Variants in SELENOK observed in about 807,000 individuals in gnomAD.
SELENOK encodes selenoprotein K.
SELENOK carries 11 observed loss-of-function variants against 17.3 expected under a neutral mutation model. That is an observed-to-expected ratio of 0.63 (90% CI 0.40 to 1.05). The LOEUF (loss-of-function observed/expected upper bound fraction) is 1.05, where lower values mean the gene tolerates loss of function less well. Ranked by LOEUF, SELENOK falls within the 50% of genes least tolerant of loss-of-function variation. The pLI is 0.00. For missense variants in SELENOK, 125 were observed against 113.9 expected (o/e 1.10, Z -0.44); for synonymous variants, 45 against 35.4 (o/e 1.27, Z -0.97).
At position 53,884,820 on chromosome 3, in the gene SELENOK, T is replaced by G. The variant is rs558419805; in HGVS notation, c.*738A>C. The G allele has an allele frequency of 1.3e-5, 2 of 152,386 alleles. No homozygotes were observed. The highest frequency in any genetic ancestry group is 2.9e-5 in the Non-Finnish European group (2 of 68,054). 9.4% of individuals were successfully genotyped at this position (152,386 alleles called of 1,614,324 possible). On this transcript the variant is annotated 3_prime_UTR_variant, in exon 5 of 5. Coordinates refer to ENST00000495461, the MANE Select transcript of SELENOK (RefSeq NM_021237.5). ...CACGCCTGGCTAATTTTTGTTATTTTAGGTTTCGTCATGCTGCAGGCTGGT... is the reference window on the plus strand; with the variant it reads ...CACGCCTGGCTAATTTTTGTTATTTGAGGTTTCGTCATGCTGCAGGCTGGT...
At chr3:53,891,400 C>T (rs1209649179) in intron 1 of SELENOK, among the ~76,000 whole-genome samples, 3 of 152,212 alleles carry the variant, frequency 2.0e-5, no homozygotes, top group Non-Finnish European at 4.4e-5. Flanking sequence ...GAAACACTGT[C>T]CAGGGCACAA....
chr3:53,887,260 C>G (rs1332770043), intron 2 of SELENOK, among the ~76,000 whole-genome samples: 1 of 152,190 alleles, frequency 6.6e-6, no homozygotes, highest in East Asian at 1.9e-4. Context: ...CTCATTTCCC[C>G]TGCAAAAGTC....
intron 3 of SELENOK, among the ~76,000 whole-genome samples, chr3:53,886,290 G>A (rs983423144): frequency 6.6e-6 from 1 of 152,084 alleles, no homozygotes; most frequent in Non-Finnish European, 1.5e-5. Flanking sequence ...AGGCTGGAGT[G>A]CAGTGGCACG....
At chr3:53,888,061 GA>G (rs548546578) in intron 2 of SELENOK, 3 of 168,802 alleles carry the variant, frequency 1.8e-5, no homozygotes, top group African/African-American at 4.8e-5. Flanking sequence ...CATGCACAAA[GA>G]AAAAAACAAA....
intron 1 of SELENOK, among the ~76,000 whole-genome samples, chr3:53,888,873 G>A (rs537526759): frequency 1.2e-3 from 189 of 152,100 alleles, no homozygotes; most frequent in African/African-American, 3.9e-3. Flanking sequence ...TGGCTAACAC[G>A]GTGAAACCCC....
chr3:53,890,137 G>C (rs548447133), intron 1 of SELENOK, among the ~76,000 whole-genome samples: 2 of 152,240 alleles, frequency 1.3e-5, no homozygotes, highest in East Asian at 3.9e-4. Flanking sequence ...CTCTCACTGT[G>C]CTACTGAGAG....
intron 1 of SELENOK, among the ~76,000 whole-genome samples, chr3:53,888,799 G>A (rs1700144976): frequency 6.6e-6 from 1 of 152,180 alleles, no homozygotes; most frequent in Non-Finnish European, 1.5e-5. Context: ...GCTCATGCCT[G>A]TAATCCCAGC....
At chr3:53,885,612 T>C (rs1700119550) in intron 4 of SELENOK, 51 bp from the exon 5 acceptor site, 1 of 1,543,322 alleles carries the variant, frequency 6.5e-7, no homozygotes, top group Admixed American at 1.7e-5. Flanking sequence ...TTTGGATCTG[T>C]GTGAAAACCT....
chr3:53,890,168 G>C (rs956441014), intron 1 of SELENOK, among the ~76,000 whole-genome samples: 2 of 152,180 alleles, frequency 1.3e-5, no homozygotes, highest in Non-Finnish European at 2.9e-5. Context: ...CAAAAGTTTA[G>C]AGGGTGGGTG....
chr3:53,891,711 G>C, intron 1 of SELENOK, 59 bp downstream of exon 1: 1 of 1,605,118 alleles, frequency 6.2e-7, no homozygotes, highest in Non-Finnish European at 8.5e-7. Flanking sequence ...ACGATGAAAG[G>C]AACCTGGAGT....
chr3:53,890,364 T>C (rs1700158995), intron 1 of SELENOK, among the ~76,000 whole-genome samples: 3 of 152,204 alleles, frequency 2.0e-5, no homozygotes, highest in Admixed American at 6.5e-5. Context: ...GTGGATCTAA[T>C]TGGAACCTGT....
chr3:53,885,591 C>T, intron 4 of SELENOK, 30 bp from the exon 5 acceptor site: 1 of 1,602,866 alleles, frequency 6.2e-7, no homozygotes, highest in Non-Finnish European at 8.5e-7. Flanking sequence ...TAATTAGTTA[C>T]TGGTTATTAA....
chr3:53,888,476 C>A lies in SELENOK; in HGVS notation c.27G>T (p.Val9=). ...ATGGAGACTGACTCCGGCTGTCCAA[C>A]ACTTGTCCTACAGATAAGAATTAAA... is the stretch of plus-strand genomic sequence containing the variant. MVYISNGQ[V]LDSRSQSPWR... is the part of the protein sequence containing the mutation. The change falls in exon 2 of 5, where the codon GTG becomes GTT. Residue 9 remains valine (V), a synonymous_variant. Transcript: ENST00000495461. 1 of 1,608,210 alleles carries A rather than the reference C, an allele frequency of 6.2e-7. No individual in the cohort carries two copies. The highest frequency in any genetic ancestry group is 1.3e-5 in the African/African-American group (1 of 74,974).
intron 2 of SELENOK, 93 bp downstream of exon 2, chr3:53,888,300 A>T: frequency 1.3e-6 from 1 of 796,912 alleles, no homozygotes; most frequent in Non-Finnish European, 2.1e-6. Context: ...TGTTTCAGGA[A>T]AGTTGAGCTT....
chr3:53,885,066 T>C lies in SELENOK; in HGVS notation c.*492A>G, dbSNP rs1363877025. 6.6e-6 allele frequency: 1 copy of C among 152,436 alleles called. No individual in the cohort carries two copies. The highest frequency in any genetic ancestry group is 1.5e-5 in the Non-Finnish European group (1 of 68,158). 9.4% of individuals were successfully genotyped at this position (152,436 alleles called of 1,614,324 possible). On this transcript the variant is annotated 3_prime_UTR_variant, in exon 5 of 5. Transcript: ENST00000495461. Reference sequence around the variant, plus strand: ...GTGTATTAAAGATTGATGAGACAAATATGTTAAAGATAAAAATTAATTCAA... The same window carrying C: ...GTGTATTAAAGATTGATGAGACAAACATGTTAAAGATAAAAATTAATTCAA...
chr3:53,889,620 G>C (rs1234515994), intron 1 of SELENOK, among the ~76,000 whole-genome samples: 1 of 152,204 alleles, frequency 6.6e-6, no homozygotes, highest in Non-Finnish European at 1.5e-5. Flanking sequence ...AAACAAATGG[G>C]ACGGGTGAAT....
At chr3:53,885,627 A>G (rs1222660570) in intron 4 of SELENOK, 66 bp from the exon 5 acceptor site, 3 of 1,468,006 alleles carry the variant, frequency 2.0e-6, no homozygotes, top group South Asian at 1.2e-5. Flanking sequence ...AAACCTCAAC[A>G]TATTACATGT....
Position 53,885,475 on chromosome 3 carries a change from A to G in SELENOK, c.*83T>C. The G allele has an allele frequency of 7.3e-7, 1 of 1,370,002 alleles. No individual in the cohort carries two copies. The highest frequency in any genetic ancestry group is 1.0e-6 in the Non-Finnish European group (1 of 972,762). 84.9% of individuals were successfully genotyped at this position (1,370,002 alleles called of 1,614,324 possible). A position where few individuals can be genotyped will look rare whatever the true frequency, so the allele number is the denominator to read the frequency against. ...AGACATACACATTCATCTACTGCTC[A>G]TCATGGTCAGCCTTCCACTTCTTGA... is the stretch of plus-strand genomic sequence containing the variant. On this transcript the variant is annotated 3_prime_UTR_variant, in exon 5 of 5. Transcript: ENST00000495461.
At chr3:53,886,804 G>A (rs1350519017) in intron 3 of SELENOK, 47 bp downstream of exon 3, 2 of 1,139,790 alleles carry the variant, frequency 1.8e-6, no homozygotes, top group South Asian at 1.6e-5. Context: ...TCTAATAAAG[G>A]TATACAAAGA....
Sources: gnomAD v4.1 joint callset for allele counts (sites outside exome capture counted in the v4.1 genomes callset) on GRCh38, gnomAD v4.1.1 for gene constraint, MANE v1.5 for transcripts, NCBI Gene and HGNC (gene_info 2026-07-23, HGNC 2026-07-21) for gene names.